CPN1: variants seen among roughly 807,000 people sequenced by gnomAD.
CPN1 encodes the protein carboxypeptidase N subunit 1, also known as carboxypeptidase N catalytic chain.
In CPN1, 37 loss-of-function variants were observed where a neutral mutation model predicts 46.4. The observed-to-expected ratio is 0.80, with a 90% confidence interval of 0.61 to 1.05. CPN1 has a LOEUF of 1.05. Ranked by LOEUF, CPN1 falls within the 50% of genes least tolerant of loss-of-function variation. The probability of loss-of-function intolerance (pLI) is 0.00; values close to 1 mark genes in which losing one functional copy is unlikely to be tolerated. For synonymous variants in CPN1, 224 were observed against 235.4 expected (o/e 0.95, Z 0.44); for missense variants, 563 against 602.6 (o/e 0.93, Z 0.69).
intron 5 of CPN1, among the ~76,000 whole-genome samples, chr10:100,059,207 A>C (rs10082365): frequency 0.093 from 14,183 of 152,170 alleles, 1,509 homozygotes; most frequent in East Asian, 0.33. Context: ...TGAAAATGGA[A>C]AAATTTTGTT....
Position 100,042,419 on chromosome 10 carries a change from T to C in CPN1, c.*8A>G. ...GCCTTTCTGAAGGGTTGCCTGGCAC[T>C]GTGGGTTTCAGGCAGGGCCTCTCTG... On this transcript the variant is annotated 3_prime_UTR_variant, in exon 9 of 9. Coordinates refer to ENST00000370418, the MANE Select transcript of CPN1 (RefSeq NM_001308.3). 6.2e-7 allele frequency: 1 copy of C among 1,612,856 alleles called. No homozygotes were observed. The highest frequency in any genetic ancestry group is 8.5e-7 in the Non-Finnish European group (1 of 1,179,976).
rs1167763729 is a variant in CPN1 at position 100,048,803 on chromosome 10, G to A, written c.1185C>T (p.Asp395=). ...YTVSATAPGY[D]PETVTVTVGP... The stretch of plus-strand genomic sequence containing the variant: ...CCACGGTCACAGTTACTGTCTCTGG[G>A]TCATACCCAGGTGCTGTGGCACTAA... The change falls in exon 8 of 9, where the codon GAC becomes GAT. Residue 395 remains aspartate, a synonymous_variant. Coordinates refer to ENST00000370418, the MANE Select transcript of CPN1 (RefSeq NM_001308.3). The A allele has an allele frequency of 3.7e-6, 6 of 1,613,820 alleles. No individual in the cohort carries two copies. The Admixed American group carries it at 5.0e-5, about 13-fold the overall frequency.
chr10:100,070,018 G>A, intron 2 of CPN1, 149 bp from the exon 3 acceptor site: 5 of 842,306 alleles, frequency 5.9e-6, no homozygotes, highest in Non-Finnish European at 9.6e-6. Flanking sequence ...TACCTACTGG[G>A]CTCAAGCAAT....
intron 7 of CPN1, among the ~76,000 whole-genome samples, chr10:100,052,430 C>T (rs559274113): frequency 4.6e-5 from 7 of 152,138 alleles, no homozygotes; most frequent in African/African-American, 1.7e-4. Context: ...TTGGCCAGGC[C>T]GGTCTTGAGC....
intron 7 of CPN1, among the ~76,000 whole-genome samples, chr10:100,053,052 A>G (rs2041364633): frequency 6.6e-6 from 1 of 152,216 alleles, no homozygotes; most frequent in Admixed American, 6.5e-5. Flanking sequence ...AAGGAAAAAG[A>G]AGAAACAAAT....
At chr10:100,078,581 G>A (rs574091068) in intron 1 of CPN1, among the ~76,000 whole-genome samples, 5 of 152,192 alleles carry the variant, frequency 3.3e-5, no homozygotes, top group South Asian at 2.1e-4. Flanking sequence ...TTTGTGGGCC[G>A]TGATGTCTCT....
At chr10:100,061,501 G>A (rs893880163) in intron 5 of CPN1, among the ~76,000 whole-genome samples, 5 of 152,230 alleles carry the variant, frequency 3.3e-5, no homozygotes, top group East Asian at 1.9e-4. Flanking sequence ...CAGTAGGTAC[G>A]AGGTGGGGTA....
intron 5 of CPN1, among the ~76,000 whole-genome samples, chr10:100,059,737 G>A: frequency 6.6e-6 from 1 of 152,030 alleles, no homozygotes; most frequent in Non-Finnish European, 1.5e-5. Context: ...TCCACTTCTG[G>A]GTTTATATAT....
chr10:100,074,233 C>T (rs900717429), intron 2 of CPN1, among the ~76,000 whole-genome samples: 2 of 152,186 alleles, frequency 1.3e-5, no homozygotes, highest in African/African-American at 4.8e-5. Context: ...GGAAGTTCTT[C>T]TCTGTGTAGC....
chr10:100,079,149 T>A (rs565168153), intron 1 of CPN1, among the ~76,000 whole-genome samples: 3 of 152,250 alleles, frequency 2.0e-5, no homozygotes, highest in Non-Finnish European at 2.9e-5. Flanking sequence ...CATCCTTATC[T>A]CTTTTTCCTG....
chr10:100,052,802 C>T (rs1447826422), intron 7 of CPN1, among the ~76,000 whole-genome samples: 1 of 152,076 alleles, frequency 6.6e-6, no homozygotes, highest in Non-Finnish European at 1.5e-5. Flanking sequence ...CTCACCTGAG[C>T]CTGGAAGGTC....
In CPN1 at chr10:100,067,065, C is replaced by T. The variant is rs1341651006; in HGVS notation, c.577-1695G>A. ...TTTACTTAGAGAAACAAGTTTATTACATCAGAACATTCTTCTGGTTGGATA... is the reference window on the plus strand; with the variant it reads ...TTTACTTAGAGAAACAAGTTTATTATATCAGAACATTCTTCTGGTTGGATA... On this transcript the variant is annotated intron_variant, in intron 3 of 8. Coordinates refer to ENST00000370418, the MANE Select transcript of CPN1 (RefSeq NM_001308.3). Among the ~76,000 whole-genome samples the T allele has an allele frequency of 2.6e-5, 4 of 152,200 alleles. No individual in the cohort carries two copies. The East Asian group carries it at 7.7e-4, about 29-fold the overall frequency.
At chr10:100,061,365 A>C (rs1554879965) in intron 5 of CPN1, among the ~76,000 whole-genome samples, 2 of 152,220 alleles carry the variant, frequency 1.3e-5, no homozygotes, top group Non-Finnish European at 2.9e-5. Context: ...GTATCCATAA[A>C]AATTAAAAAA....
In CPN1 at chr10:100,057,165, G is replaced by A. The variant is rs1336810406; in HGVS notation, c.872-13C>T. 6.2e-7 allele frequency: 1 copy of A among 1,613,360 alleles called. No individual in the cohort carries two copies. ...AAGTCTTGCATTCCTAAGGGAAAGA[G>A]GGCAGCAGCAGATTTCCATAACCAG... On this transcript the variant is annotated splice_polypyrimidine_tract_variant and intron_variant, in intron 5 of 8. Coordinates refer to ENST00000370418, the MANE Select transcript of CPN1 (RefSeq NM_001308.3).
At chr10:100,064,278 A>G (rs1230872007) in intron 4 of CPN1, among the ~76,000 whole-genome samples, 1 of 151,838 alleles carries the variant, frequency 6.6e-6, no homozygotes, top group Non-Finnish European at 1.5e-5. Context: ...TCAATGGAGA[A>G]AAAAACAATG....
chr10:100,065,073 G>T (rs1057087150), intron 4 of CPN1, 115 bp downstream of exon 4: 4 of 1,262,346 alleles, frequency 3.2e-6, no homozygotes, highest in Non-Finnish European at 4.4e-6. Flanking sequence ...CAAACAAGCG[G>T]TATTTTCAAT....
chr10:100,069,919 T>C (rs1564775603), intron 2 of CPN1, 50 bp from the exon 3 acceptor site: 1 of 1,608,124 alleles, frequency 6.2e-7, no homozygotes, highest in Non-Finnish European at 8.5e-7. Flanking sequence ...TTGAATACTA[T>C]ATTTTCTAAC....
At chr10:100,065,559 C>T (rs1285698589) in intron 3 of CPN1, among the ~76,000 whole-genome samples, 189 bp from the exon 4 acceptor site, 1 of 152,008 alleles carries the variant, frequency 6.6e-6, no homozygotes, top group Non-Finnish European at 1.5e-5. Flanking sequence ...TCAACAATGG[C>T]GTGTATAGAA....
chr10:100,058,889 T>C (rs554943355), intron 5 of CPN1, among the ~76,000 whole-genome samples: 5 of 152,240 alleles, frequency 3.3e-5, no homozygotes, highest in Admixed American at 3.3e-4. Flanking sequence ...CCCTTGCATA[T>C]ATGGTCAAAG....
Sources: gnomAD v4.1 joint callset for allele counts (sites outside exome capture counted in the v4.1 genomes callset) on GRCh38, gnomAD v4.1.1 for gene constraint, MANE v1.5 for transcripts, NCBI Gene and HGNC (gene_info 2026-07-23, HGNC 2026-07-21) for gene names.